DNA2: variants seen among roughly 807,000 people sequenced by gnomAD.
DNA2 encodes the protein DNA replication helicase/nuclease 2.
Under a neutral mutation model 119.1 loss-of-function variants are expected in DNA2, and 101 were observed. The observed-to-expected ratio is 0.85, with a 90% CI of 0.72 to 1.00. The LOEUF is 1.00. Ranked by LOEUF, DNA2 falls within the 50% of genes least tolerant of loss-of-function variation. The pLI, the probability that DNA2 is intolerant of heterozygous loss-of-function variation, is 0.00. For missense variants in DNA2, 1,121 were observed against 1,255.5 expected, an observed-to-expected ratio of 0.89 and a Z score of 1.62; for synonymous variants, 366 against 424.4, an observed-to-expected ratio of 0.86 and a Z score of 1.69.
chr10:68,462,656 A>G (rs2052274764), intron 4 of DNA2, among the ~76,000 whole-genome samples: 1 of 152,170 alleles, frequency 6.6e-6, no homozygotes, highest in African/African-American at 2.4e-5. Context: ...GTTTGTATAT[A>G]AAATCACACC....
Position 68,446,291 on chromosome 10 carries a change from T to A in DNA2, c.1057+5A>T. The A allele has an allele frequency of 1.3e-6, 2 of 1,523,410 alleles. No individual in the cohort carries two copies. Among genetic ancestry groups the A allele is most frequent in the Admixed American group, 4.2e-5 (2 of 47,460 alleles). The allele number at this position is 1,523,410 out of a possible 1,614,324, so 94.4% of individuals were successfully genotyped here. A position where few individuals can be genotyped will look rare whatever the true frequency, so the allele number is the denominator to read the frequency against. ...GAAGTAAAACTAAAAAAAAAACGGC[T>A]CAACCTCTTTTATCTAGATGGTTGG... On this transcript the variant is annotated splice_donor_5th_base_variant and intron_variant, in intron 7 of 20. Coordinates refer to ENST00000358410, the MANE Select transcript of DNA2 (RefSeq NM_001080449.3).
chr10:68,445,970 T>C (rs866154080), intron 7 of DNA2, among the ~76,000 whole-genome samples: 15 of 151,402 alleles, frequency 9.9e-5, no homozygotes, highest in Middle Eastern at 6.8e-3. Context: ...CTACTAAAAG[T>C]AAAACTAGCC....
At chr10:68,421,169 C>G (rs913574660) in intron 17 of DNA2, among the ~76,000 whole-genome samples, 1 of 143,778 alleles carries the variant, frequency 7.0e-6, no homozygotes, top group Non-Finnish European at 1.5e-5. Context: ...ACTCCTGACC[C>G]CAGTGATCCA....
chr10:68,428,825 G>A (rs1057191624), intron 14 of DNA2, among the ~76,000 whole-genome samples: 4 of 152,132 alleles, frequency 2.6e-5, no homozygotes, highest in Admixed American at 1.3e-4. Context: ...GGTAAGGCAG[G>A]AGAGTGGATA....
chr10:68,447,257 A>G (rs1218073791), intron 6 of DNA2, among the ~76,000 whole-genome samples: 1 of 151,964 alleles, frequency 6.6e-6, no homozygotes, highest in Non-Finnish European at 1.5e-5. Context: ...GTGGCTCATG[A>G]CTATACTCCC....
chr10:68,471,763 TC>T, intron 1 of DNA2, 27 bp downstream of exon 1: 1 of 1,567,054 alleles, frequency 6.4e-7, no homozygotes, highest in Non-Finnish European at 8.6e-7. Flanking sequence ...CCCGCTTTGT[TC>T]CCACACCCTC....
Position 68,431,410 on chromosome 10 carries a change from G to A in DNA2, c.1983+452C>T, listed in dbSNP as rs375155573. On this transcript the variant is annotated intron_variant, in intron 13 of 20. Transcript: ENST00000358410. ...TGATTCTCCTGCCTCAGCCTCCCGA[G>A]TAAAGCTAGGATTATAGGCGCATGC... Among the ~76,000 whole-genome samples, 13 of 152,080 alleles carry A rather than the reference G, an allele frequency of 8.5e-5. No homozygotes were observed. The East Asian group carries it at 1.7e-3, about 20-fold the overall frequency.
intron 10 of DNA2, among the ~76,000 whole-genome samples, chr10:68,433,855 C>T (rs1017836691): frequency 2.8e-4 from 43 of 152,170 alleles, no homozygotes; most frequent in Admixed American, 2.4e-3. Flanking sequence ...ATCCTGAATG[C>T]TCCATGTCAC....
intron 13 of DNA2, among the ~76,000 whole-genome samples, chr10:68,430,941 C>G (rs1350557730): frequency 2.0e-5 from 3 of 152,054 alleles, no homozygotes; most frequent in Non-Finnish European, 2.9e-5. Context: ...CAAGACTTGC[C>G]TGGGCAACAA....
intron 14 of DNA2, among the ~76,000 whole-genome samples, chr10:68,426,326 T>C (rs1341360854): frequency 2.1e-5 from 3 of 142,202 alleles, no homozygotes; most frequent in Non-Finnish European, 4.6e-5. Context: ...TCACCTGAGG[T>C]CAGAAGTTTG....
intron 14 of DNA2, chr10:68,424,570 A>G (rs2051711151): frequency 2.1e-6 from 2 of 966,254 alleles, no homozygotes; most frequent in Non-Finnish European, 3.4e-6. Context: ...ATGAAGTTCA[A>G]TCCCTTCGTG....
rs750999879 is a variant in DNA2 at position 68,415,006 on chromosome 10, G to A, written c.*33C>T. 3.5e-6 allele frequency: 5 copies of A among 1,411,406 alleles called. No homozygotes were observed. The highest frequency in any genetic ancestry group is 1.4e-5 in the African/African-American group (1 of 70,774). 87.4% of individuals were successfully genotyped at this position (1,411,406 alleles called of 1,614,324 possible). ...ATGGGCACTAGCTAGAGGAGATACT[G>A]CCCTAGTATGAAAAGGCAAGGGAAA... On this transcript the variant is annotated 3_prime_UTR_variant, in exon 21 of 21. Transcript: ENST00000358410.
intron 17 of DNA2, among the ~76,000 whole-genome samples, chr10:68,421,070 C>T (rs2051658529): frequency 6.6e-6 from 1 of 151,960 alleles, no homozygotes; most frequent in African/African-American, 2.4e-5. Context: ...TCCCAGGTAG[C>T]TGGGACTACA....
rs188169707 is a variant in DNA2, at chr10:68,463,969, G to A, written c.587+1698C>T. ...TTAAACAAAATAGCAACCACAGGTT[G>A]AAAGAGAAGCTGAAATTCCTCAAGC... On this transcript the variant is annotated intron_variant, in intron 4 of 20. Coordinates refer to ENST00000358410, the MANE Select transcript of DNA2 (RefSeq NM_001080449.3). 3.3e-5 allele frequency among the ~76,000 whole-genome samples: 5 copies of A among 152,240 alleles called. No individual in the cohort carries two copies. The East Asian group carries it at 7.7e-4, about 24-fold the overall frequency.
chr10:68,468,306 C>T lies in DNA2; in HGVS notation c.258G>A (p.Trp86Ter), dbSNP rs753644875. ...NKELCILRND[W>*]CSVPVEPGDI... The stretch of plus-strand genomic sequence containing the variant: ...CTCCTGGCTCTACTGGAACAGAACA[C>T]CTGAAAATAAAGCAAAGTTAAAGTA... Residue 86 changes from tryptophan (W) to a stop codon, truncating the protein, a stop_gained and splice_region_variant, in exon 3 of 21, where the codon TGG (tryptophan) becomes TGA (stop). Coordinates refer to ENST00000358410, the MANE Select transcript of DNA2 (RefSeq NM_001080449.3). LOFTEE classifies it high-confidence loss of function. 1 of 1,554,178 alleles carries T rather than the reference C, an allele frequency of 6.4e-7. No homozygotes were observed. Among genetic ancestry groups the T allele is most frequent in the Non-Finnish European group, 8.7e-7 (1 of 1,151,740 alleles).
rs954045598 is a variant in DNA2 at position 68,430,033 on chromosome 10, A to G, written c.2208+403T>C. On this transcript the variant is annotated intron_variant, in intron 14 of 20. Transcript: ENST00000358410. ...CAAGTAGCTGGAATTACAGGCGCCC[A>G]CCACCACGCCCGGCTAATTTTTTTT... Among the ~76,000 whole-genome samples the G allele has an allele frequency of 4.0e-5, 6 of 151,510 alleles. No individual in the cohort carries two copies. In the East Asian group the frequency reaches 1.2e-3, roughly 30 times the overall value.
At chr10:68,466,296 C>T (rs1044253830) in intron 3 of DNA2, among the ~76,000 whole-genome samples, 1 of 151,890 alleles carries the variant, frequency 6.6e-6, no homozygotes. Flanking sequence ...ATTAAAATAA[C>T]CAATATTTTA....
chr10:68,432,177 T>C (rs746582640), intron 12 of DNA2, 29 bp downstream of exon 12: 1 of 1,440,050 alleles, frequency 6.9e-7, no homozygotes, highest in African/African-American at 1.4e-5. Flanking sequence ...GAAAAATTAA[T>C]CAAAGCAGAC....
chr10:68,445,102 A>C lies in DNA2; in HGVS notation c.1058-19T>G, dbSNP rs2052021080. 3 of 1,573,640 alleles carry C rather than the reference A, an allele frequency of 1.9e-6. No homozygotes were observed. Among genetic ancestry groups the C allele is most frequent in the Admixed American group, 1.8e-5 (1 of 54,674 alleles). ...AATAATTCTATGAAAAAAAAGGTGA[A>C]TGTCTTTTTAAGAGTTAAATAAAGT... is the stretch of plus-strand genomic sequence containing the variant. On this transcript the variant is annotated intron_variant, in intron 7 of 20. Coordinates refer to ENST00000358410, the MANE Select transcript of DNA2 (RefSeq NM_001080449.3).
Sources: allele counts gnomAD v4.1 joint callset (sites outside exome capture counted in the v4.1 genomes callset), GRCh38; gene constraint gnomAD v4.1.1; transcripts MANE v1.5; gene names NCBI Gene and HGNC (gene_info 2026-07-23, HGNC 2026-07-21).